USP36: variants seen among roughly 807,000 people sequenced by gnomAD.
USP36 encodes the protein ubiquitin carboxyl-terminal hydrolase 36.
Under a neutral mutation model 111.5 loss-of-function variants are expected in USP36, and 59 were observed. The observed-to-expected ratio is 0.53, with a 90% CI of 0.43 to 0.66. The LOEUF is 0.66. Among genes scored for constraint, USP36 ranks in the 30% least tolerant of loss-of-function variants. USP36 has a pLI of 0.00. For missense variants in USP36, 1,488 were observed against 1,468.0 expected, an observed-to-expected ratio of 1.01 and a Z score of -0.22; for synonymous variants, 628 against 581.0, an observed-to-expected ratio of 1.08 and a Z score of -1.16.
chr17:78,833,652 T>C (rs1352373217), intron 4 of USP36, among the ~76,000 whole-genome samples: 1 of 152,236 alleles, frequency 6.6e-6, no homozygotes, highest in Admixed American at 6.5e-5. Flanking sequence ...AGCTGTGTTT[T>C]CAACTGCTCT....
At chr17:78,841,113 C>G (rs558228681), upstream of USP36, 3 of 152,204 alleles carry the variant, frequency 2.0e-5, no homozygotes, top group Admixed American at 2.0e-4. Flanking sequence ...CCGGGTCGGC[C>G]GAGCACACCT....
chr17:78,788,149 T>C (rs1049297378), intron 3 of USP36, among the ~76,000 whole-genome samples: 1 of 152,164 alleles, frequency 6.6e-6, no homozygotes, highest in Non-Finnish European at 1.5e-5. Flanking sequence ...AAATTGCATA[T>C]GCATAGGTTA....
chr17:78,813,036 T>C (rs953345721), intron 12 of USP36, 35 bp from the exon 13 acceptor site: 1 of 1,612,026 alleles, frequency 6.2e-7, no homozygotes, highest in Non-Finnish European at 8.5e-7. Flanking sequence ...GGAATTCTCT[T>C]ACTAGGCATT....
chr17:78,838,321 G>A (rs1272909946), intron 2 of USP36, among the ~76,000 whole-genome samples: 3 of 142,344 alleles, frequency 2.1e-5, no homozygotes, highest in Admixed American at 7.3e-5. Flanking sequence ...GGAGTGAGCC[G>A]AGATCGCGCC....
intron 16 of USP36, 151 bp from the exon 17 acceptor site, chr17:78,802,686 T>G: frequency 1.3e-6 from 1 of 755,338 alleles, no homozygotes. Flanking sequence ...CCCACACGCA[T>G]TAGCGGACGC....
chr17:78,816,442 A>G (rs2094191455), intron 10 of USP36, among the ~76,000 whole-genome samples: 1 of 152,050 alleles, frequency 6.6e-6, no homozygotes, highest in African/African-American at 2.4e-5. Context: ...CCTGGCCAAC[A>G]TGGTGGAACC....
rs747891305 is a variant in USP36, at chr17:78,806,268, C to T, written c.2104G>A (p.Ala702Thr). Residue 702 changes from alanine to threonine, a missense_variant, in exon 15 of 21, where the codon GCG (alanine) becomes ACG (threonine). Around this residue, in one of 3 missense-constraint regions of USP36, gnomAD observed 1,073 missense variants for 994.1 expected, o/e 1.08. Transcript: ENST00000449938. The part of the protein sequence containing the change: ...SAKKASTLWR[A>T]TGNDLRPPPP... Reference sequence around the variant, plus strand: ...GGTGGACGGAGGTCATTGCCGGTCGCCCTCCACAGGGTGCTGGCCTGCAGT... The same window carrying T: ...GGTGGACGGAGGTCATTGCCGGTCGTCCTCCACAGGGTGCTGGCCTGCAGT... The T allele has an allele frequency of 1.1e-5, 18 of 1,613,596 alleles. No homozygotes were observed. The South Asian group carries it at 2.0e-4, about 18-fold the overall frequency.
intron 4 of USP36, among the ~76,000 whole-genome samples, chr17:78,834,981 T>TAA (rs2068512072): frequency 8.6e-6 from 1 of 116,172 alleles, no homozygotes; most frequent in Non-Finnish European, 1.6e-5. Flanking sequence ...ATACTGTCTC[T>TAA]AAAAAAATAA....
In USP36 at chr17:78,798,209, C is replaced by G. The variant is rs1372405104; in HGVS notation, c.*20+191G>C. On this transcript the variant is annotated intron_variant, in intron 20 of 20. Transcript: ENST00000449938. This position sits in a 1 kb window ranked among gnomAD's most constrained non-coding sequence, Gnocchi z 5.1. ...CCCCCTTATACACACGCATCCCACA[C>G]ACACCCTTCTCCAAGTGACTAGGAC... 4.4e-6 allele frequency: 3 copies of G among 685,942 alleles called. No homozygotes were observed. Among genetic ancestry groups the G allele is most frequent in the Non-Finnish European group, 7.2e-6 (3 of 416,118 alleles). 42.5% of individuals were successfully genotyped at this position (685,942 alleles called of 1,614,324 possible). A position where few individuals can be genotyped will look rare whatever the true frequency, so the allele number is the denominator to read the frequency against.
At chr17:78,837,511 C>T (rs986299995) in intron 2 of USP36, among the ~76,000 whole-genome samples, 2 of 152,108 alleles carry the variant, frequency 1.3e-5, no homozygotes, top group African/African-American at 4.8e-5. Flanking sequence ...TGCTTTAGAG[C>T]TTGCTACATA....
Position 78,800,460 on chromosome 17 carries a change from G to A in USP36, c.3023-692C>T, listed in dbSNP as rs540167539. Reference sequence around the variant, plus strand: ...GGTTCTAGAAACCCTTTCTGAACTCGTCCTCTGCCCAGCTAGCCACATAGC... The same window carrying A: ...GGTTCTAGAAACCCTTTCTGAACTCATCCTCTGCCCAGCTAGCCACATAGC... On this transcript the variant is annotated intron_variant, in intron 17 of 20. Coordinates refer to ENST00000449938, the MANE Select transcript of USP36 (RefSeq NM_001385174.1). 1.1e-4 allele frequency among the ~76,000 whole-genome samples: 17 copies of A among 152,296 alleles called. No homozygotes were observed. In the East Asian group the frequency reaches 3.1e-3, roughly 28 times the overall value.
At chr17:78,800,825 C>T (rs1051174655) in intron 17 of USP36, among the ~76,000 whole-genome samples, 8 of 152,202 alleles carry the variant, frequency 5.3e-5, no homozygotes, top group African/African-American at 9.6e-5. Context: ...GGGCCCAGGG[C>T]GCACTTCAGT....
intron 17 of USP36, among the ~76,000 whole-genome samples, chr17:78,802,008 C>T (rs1333342919): frequency 6.6e-6 from 1 of 152,142 alleles, no homozygotes; most frequent in Non-Finnish European, 1.5e-5. Context: ...TTCTCCCAGA[C>T]CCTCCCAAGC....
chr17:78,818,229 G>A (rs962704871), intron 10 of USP36, among the ~76,000 whole-genome samples: 2 of 152,150 alleles, frequency 1.3e-5, no homozygotes, highest in Non-Finnish European at 2.9e-5. Context: ...CCACCGCCCA[G>A]TGCTCATCAC....
At position 78,806,299 on chromosome 17, in the gene USP36, A is replaced by T; in HGVS notation, c.2086-13T>A. 6.2e-7 allele frequency: 1 copy of T among 1,613,642 alleles called. No individual in the cohort carries two copies. Among genetic ancestry groups the T allele is most frequent in the Non-Finnish European group, 8.5e-7 (1 of 1,179,918 alleles). Reference sequence around the variant, plus strand: ...ACAGGGTGCTGGCCTGCAGTTATCGACATAAATAAAAACTTGGTGGTCTAA... The same window carrying T: ...ACAGGGTGCTGGCCTGCAGTTATCGTCATAAATAAAAACTTGGTGGTCTAA... On this transcript the variant is annotated splice_polypyrimidine_tract_variant and intron_variant, in intron 14 of 20. Coordinates refer to ENST00000449938, the MANE Select transcript of USP36 (RefSeq NM_001385174.1).
rs1405459169 is a variant in USP36 at position 78,807,543 on chromosome 17, G to A, written c.1501C>T (p.Gln501Ter). Residue 501 changes from glutamine to a stop codon, truncating the protein, a stop_gained, in exon 14 of 21, where the codon CAG (glutamine) becomes TAG (stop). Transcript: ENST00000449938. LOFTEE classifies it high-confidence loss of function. The part of the protein sequence containing the change: ...RNGSTLGLKS[Q>*]NGCIPPKLPS... The stretch of plus-strand genomic sequence containing the variant: ...AGCTTTGGAGGAATGCAGCCGTTCT[G>A]GGACTTCAGGCCCAGGGTGGAGCCA... 1.2e-6 allele frequency: 2 copies of A among 1,612,990 alleles called. No individual in the cohort carries two copies. Among genetic ancestry groups the A allele is most frequent in the Non-Finnish European group, 1.7e-6 (2 of 1,179,492 alleles).
intron 10 of USP36, among the ~76,000 whole-genome samples, chr17:78,817,972 C>G (rs1234405009): frequency 6.6e-6 from 1 of 152,102 alleles, no homozygotes; most frequent in East Asian, 1.9e-4. Context: ...ACAGTCCCAG[C>G]TACTCAGGAG....
At position 78,803,991 on chromosome 17, in the gene USP36, C is replaced by A; in HGVS notation, c.2217-13G>T. The A allele has an allele frequency of 6.4e-7, 1 of 1,556,388 alleles. No individual in the cohort carries two copies. The highest frequency in any genetic ancestry group is 8.7e-7 in the Non-Finnish European group (1 of 1,150,860). ...AGGTGACACAGCCCTGTGGGGACAG[C>A]CAGGAAACAGGGAGAGGATGTTCTG... On this transcript the variant is annotated splice_polypyrimidine_tract_variant and intron_variant, in intron 15 of 20. Transcript: ENST00000449938. This position sits in a 1 kb window ranked among gnomAD's most constrained non-coding sequence, Gnocchi z 4.6.
chr17:78,823,169 C>T (rs927142495), intron 6 of USP36: 2 of 398,608 alleles, frequency 5.0e-6, no homozygotes, highest in Non-Finnish European at 8.8e-6. Flanking sequence ...AATACAGGAT[C>T]ATTCAATTTT....
Sources: gnomAD v4.1 joint callset for allele counts (sites outside exome capture counted in the v4.1 genomes callset) on GRCh38, gnomAD v4.1.1 for gene constraint, gnomAD v4.1.1 regional missense constraint, Gnocchi (gnomAD v3.1) non-coding constraint, MANE v1.5 for transcripts, NCBI Gene and HGNC (gene_info 2026-07-23, HGNC 2026-07-21) for gene names.